WDFY4: variants seen among roughly 807,000 people sequenced by gnomAD.
WDFY4 encodes the protein WD repeat- and FYVE domain-containing protein 4.
A neutral mutation model predicts 351.9 loss-of-function variants in WDFY4; 169 were observed. The ratio of observed to expected loss-of-function variants is 0.48; its 90% CI spans 0.42 to 0.55. The LOEUF (loss-of-function observed/expected upper bound fraction) is 0.55. Ranked by LOEUF, WDFY4 falls within the 20% of genes least tolerant of loss-of-function variation. The pLI is 0.00. For missense variants in WDFY4, 3,803 were observed against 3,935.6 expected (o/e 0.97, Z 0.90); for synonymous variants, 1,622 against 1,574.6 (o/e 1.03, Z -0.71).
intron 1 of WDFY4, among the ~76,000 whole-genome samples, chr10:48,707,645 T>C (rs1411722751): frequency 6.6e-6 from 1 of 152,116 alleles, no homozygotes; most frequent in East Asian, 1.9e-4. Context: ...GACATAATGC[T>C]GGGTGAAAGA....
At chr10:48,690,857 A>G (rs1399845320) in intron 1 of WDFY4, among the ~76,000 whole-genome samples, 2 of 152,276 alleles carry the variant, frequency 1.3e-5, no homozygotes, top group East Asian at 3.9e-4. Context: ...GGTGGCCATG[A>G]GCAGCCTGAA....
rs1016617195 is a variant in WDFY4 at position 48,873,717 on chromosome 10, G to A, written c.6948+20G>A. 5.2e-6 allele frequency: 8 copies of A among 1,550,672 alleles called. No homozygotes were observed. The highest frequency in any genetic ancestry group is 7.0e-6 in the Non-Finnish European group (8 of 1,146,736). On this transcript the variant is annotated intron_variant, in intron 41 of 61. Coordinates refer to ENST00000325239, the MANE Select transcript of WDFY4 (RefSeq NM_001394531.1). ...CACAAGGTAGGAGTCAGGCGCAGTG[G>A]GACAGTGCTGGTTCCAGGTAGGGCC... is the stretch of plus-strand genomic sequence containing the variant.
At chr10:48,844,143 T>C (rs2068699553) in intron 39 of WDFY4, among the ~76,000 whole-genome samples, 1 of 152,238 alleles carries the variant, frequency 6.6e-6, no homozygotes, top group Admixed American at 6.5e-5. Context: ...TTTTGGTTAA[T>C]TAAAAAAGTC....
chr10:48,715,689 G>A (rs193143662), intron 2 of WDFY4, among the ~76,000 whole-genome samples: 2 of 151,932 alleles, frequency 1.3e-5, no homozygotes, highest in African/African-American at 4.8e-5. Context: ...GCAGTGGCCC[G>A]ATCTCGGCTC....
chr10:48,763,827 C>G (rs1215508907), intron 13 of WDFY4, among the ~76,000 whole-genome samples: 1 of 152,216 alleles, frequency 6.6e-6, no homozygotes, highest in Admixed American at 6.5e-5. Context: ...GATGCCAAAT[C>G]AGCAGCTATT....
At chr10:48,865,880 TA>T (rs1564429501) in intron 39 of WDFY4, among the ~76,000 whole-genome samples, 2 of 152,200 alleles carry the variant, frequency 1.3e-5, no homozygotes, top group Admixed American at 6.5e-5. Context: ...TTGTTTATAG[TA>T]TTTTTTTATA....
chr10:48,803,226 C>A, intron 24 of WDFY4, 60 bp from the exon 25 acceptor site: 1 of 1,517,608 alleles, frequency 6.6e-7, no homozygotes, highest in African/African-American at 1.4e-5. Flanking sequence ...TCTCATGCTT[C>A]CTGCAAATCA....
intron 11 of WDFY4, among the ~76,000 whole-genome samples, chr10:48,742,550 G>C (rs917097741): frequency 1.3e-5 from 2 of 152,204 alleles, no homozygotes; most frequent in Non-Finnish European, 2.9e-5. Context: ...AAGGAAGCCA[G>C]ATATGGTTTC....
chr10:48,899,440 G>A (rs1272318374), intron 45 of WDFY4, among the ~76,000 whole-genome samples: 1 of 152,096 alleles, frequency 6.6e-6, no homozygotes, highest in African/African-American at 2.4e-5. Flanking sequence ...ACAGGACTCT[G>A]CTATTGGGTG....
Position 48,709,844 on chromosome 10 carries a change from T to C in WDFY4, c.112T>C (p.Ser38Pro), listed in dbSNP as rs1187757136. Residue 38 changes from serine (S) to proline (P), a missense_variant, in exon 2 of 62, where the codon TCC (serine) becomes CCC (proline). Transcript: ENST00000325239. ...TGATGTCCCACATGGAGGGCAGTCC[T>C]CCAGCCCCACAGCTCTCTGGGACAT... ...QPDVPHGGQS[S>P]SPTALWDMLE... 8.4e-6 allele frequency: 13 copies of C among 1,551,878 alleles called. No individual in the cohort carries two copies. The highest frequency in any genetic ancestry group is 1.1e-5 in the Non-Finnish European group (13 of 1,147,016).
At chr10:48,902,341 T>TC (rs1022798927) in intron 47 of WDFY4, among the ~76,000 whole-genome samples, 7 of 151,818 alleles carry the variant, frequency 4.6e-5, no homozygotes, top group South Asian at 2.1e-4. Flanking sequence ...TTGCTTGCAG[T>TC]CCCCCCCGCC....
intron 39 of WDFY4, among the ~76,000 whole-genome samples, chr10:48,861,637 G>A (rs1248627488): frequency 6.6e-6 from 1 of 152,056 alleles, no homozygotes; most frequent in Non-Finnish European, 1.5e-5. Context: ...CTTTGTGTTA[G>A]TTTTCAGAAG....
At chr10:48,832,793 T>C (rs779594846) in intron 39 of WDFY4, 84 bp downstream of exon 39, 1 of 1,410,272 alleles carries the variant, frequency 7.1e-7, no homozygotes, top group Middle Eastern at 2.0e-4. Flanking sequence ...TGCTGCCTGT[T>C]ACTAGACATG....
At position 48,773,013 on chromosome 10, in the gene WDFY4, G is replaced by A. The variant is rs187288798; in HGVS notation, c.2554-1445G>A. 3.7e-3 allele frequency among the ~76,000 whole-genome samples: 561 copies of A among 152,166 alleles called. 3 individuals are homozygous for A. Among genetic ancestry groups the A allele is most frequent in the African/African-American group, 0.013 (527 of 41,460 alleles). ...ATAATGCCGCAATAAACATACGTGT[G>A]CATGTGTCTTTATAGCAGCATGAGA... On this transcript the variant is annotated intron_variant, in intron 13 of 61. Transcript: ENST00000325239.
intron 49 of WDFY4, among the ~76,000 whole-genome samples, chr10:48,943,706 C>T (rs1466844308): frequency 6.6e-6 from 1 of 152,202 alleles, no homozygotes; most frequent in Non-Finnish European, 1.5e-5. Flanking sequence ...GATTCTCCTG[C>T]CTCAGTCTCC....
intron 45 of WDFY4, among the ~76,000 whole-genome samples, chr10:48,900,020 C>T (rs1402126200): frequency 6.6e-6 from 1 of 152,118 alleles, no homozygotes; most frequent in Admixed American, 6.5e-5. Context: ...TGTGGTCAGG[C>T]CCCCTGCCCT....
intron 47 of WDFY4, among the ~76,000 whole-genome samples, chr10:48,914,430 G>A (rs926150106): frequency 1.3e-5 from 2 of 152,158 alleles, no homozygotes; most frequent in African/African-American, 4.8e-5. Context: ...TTTCTTGGAT[G>A]TTAAAATAGG....
chr10:48,901,990 C>T (rs1179159306), intron 47 of WDFY4, 127 bp downstream of exon 47: 8 of 840,604 alleles, frequency 9.5e-6, no homozygotes, highest in South Asian at 1.6e-5. Context: ...ATTTTTCTCT[C>T]TCCTATTCCT....
intron 13 of WDFY4, among the ~76,000 whole-genome samples, chr10:48,768,756 A>AGAGAG (rs1565176066): frequency 6.8e-6 from 1 of 147,182 alleles, no homozygotes; most frequent in Non-Finnish European, 1.5e-5. Flanking sequence ...AGAGAGAGAG[A>AGAGAG]ACCAGCCATA....
Sources: allele counts gnomAD v4.1 joint callset (sites outside exome capture counted in the v4.1 genomes callset), GRCh38; gene constraint gnomAD v4.1.1; transcripts MANE v1.5; gene names NCBI Gene and HGNC (gene_info 2026-07-23, HGNC 2026-07-21).